SLIT2: variants seen among roughly 807,000 people sequenced by gnomAD.
The protein encoded by SLIT2 is slit guidance ligand 2.
A neutral mutation model predicts 185.7 loss-of-function variants in SLIT2; 41 were observed. The observed-to-expected ratio is 0.22, with a 90% confidence interval of 0.17 to 0.29. The LOEUF (loss-of-function observed/expected upper bound fraction) is 0.29. Among genes scored for constraint, SLIT2 ranks in the 10% least tolerant of loss-of-function variants. The pLI, the probability that SLIT2 is intolerant of heterozygous loss-of-function variation, is 1.00. For missense variants in SLIT2, 1,571 were observed against 1,909.0 expected (o/e 0.82, Z 3.30); for synonymous variants, 693 against 680.2 (o/e 1.02, Z -0.29).
chr4:20,338,508 T>A (rs767879515), intron 4 of SLIT2, among the ~76,000 whole-genome samples: 51 of 152,210 alleles, frequency 3.4e-4, no homozygotes, highest in Non-Finnish European at 6.0e-4. Context: ...TTACATATCC[T>A]ACTCTGGTGG....
intron 4 of SLIT2, among the ~76,000 whole-genome samples, chr4:20,273,600 C>A (rs1169739471): frequency 6.6e-6 from 1 of 151,792 alleles, no homozygotes; most frequent in Admixed American, 6.6e-5. Flanking sequence ...TGTTTGATTC[C>A]CCTAGGTTTC....
intron 18 of SLIT2, among the ~76,000 whole-genome samples, chr4:20,537,640 G>A (rs546392206): frequency 6.6e-6 from 1 of 152,048 alleles, no homozygotes; most frequent in Non-Finnish European, 1.5e-5. Flanking sequence ...AGATATTCAC[G>A]GACTCCCTCC....
At chr4:20,268,713 T>C (rs903567290) in intron 3 of SLIT2, 97 bp from the exon 4 acceptor site, 1 of 827,884 alleles carries the variant, frequency 1.2e-6, no homozygotes, top group African/African-American at 1.7e-5. Flanking sequence ...TTTCATTCTT[T>C]TCTGAAATAC....
intron 3 of SLIT2, among the ~76,000 whole-genome samples, chr4:20,262,348 A>G (rs1410828168): frequency 6.6e-6 from 1 of 151,804 alleles, no homozygotes; most frequent in Non-Finnish European, 1.5e-5. Context: ...GTCTTTACAC[A>G]TGAGTTCAAG....
At chr4:20,381,715 A>C (rs1424483806) in intron 4 of SLIT2, among the ~76,000 whole-genome samples, 1 of 152,160 alleles carries the variant, frequency 6.6e-6, no homozygotes, top group African/African-American at 2.4e-5. Flanking sequence ...AACAAACTTC[A>C]AGGCTGTATG....
chr4:20,593,358 A>G (rs113204033), intron 30 of SLIT2, among the ~76,000 whole-genome samples: 451 of 152,280 alleles, frequency 3.0e-3, no homozygotes, highest in Non-Finnish European at 5.5e-3. Context: ...ACTTTATGCT[A>G]AGTGAAATAG....
intron 4 of SLIT2, among the ~76,000 whole-genome samples, 156 bp downstream of exon 4, chr4:20,269,037 G>A (rs1044718253): frequency 6.6e-6 from 1 of 151,816 alleles, no homozygotes; most frequent in Non-Finnish European, 1.5e-5. Context: ...TTTATGATTT[G>A]TTTTCTAGTG....
chr4:20,307,637 A>G (rs983808033), intron 4 of SLIT2, among the ~76,000 whole-genome samples: 1 of 152,152 alleles, frequency 6.6e-6, no homozygotes, highest in Admixed American at 6.5e-5. Flanking sequence ...AATCTTACCT[A>G]TGCTGCATTA....
intron 9 of SLIT2, among the ~76,000 whole-genome samples, chr4:20,510,018 A>G (rs1719560810): frequency 6.6e-6 from 1 of 152,196 alleles, no homozygotes; most frequent in African/African-American, 2.4e-5. Flanking sequence ...TGAGTATAAA[A>G]TTATTTTTTA....
chr4:20,537,184 G>A (rs1722372313), intron 18 of SLIT2, among the ~76,000 whole-genome samples: 1 of 152,182 alleles, frequency 6.6e-6, no homozygotes, highest in Non-Finnish European at 1.5e-5. Flanking sequence ...TCATTATGGA[G>A]TATTATGTGC....
At chr4:20,472,948 T>C (rs770021335) in intron 5 of SLIT2, among the ~76,000 whole-genome samples, 3 of 151,706 alleles carry the variant, frequency 2.0e-5, no homozygotes, top group Non-Finnish European at 3.0e-5. Context: ...GGTACAAATA[T>C]ATAAACTTTA....
chr4:20,541,724 G>C (rs917385300), intron 20 of SLIT2, 105 bp downstream of exon 20: 4 of 1,026,626 alleles, frequency 3.9e-6, no homozygotes, highest in Admixed American at 4.3e-5. Flanking sequence ...AATAATGATC[G>C]TGTATCTTTT....
At chr4:20,418,841 G>A (rs1727919101) in intron 4 of SLIT2, among the ~76,000 whole-genome samples, 1 of 152,056 alleles carries the variant, frequency 6.6e-6, no homozygotes, top group African/African-American at 2.4e-5. Flanking sequence ...AATTAAAAGA[G>A]AGAAAACAAA....
intron 1 of SLIT2, among the ~76,000 whole-genome samples, chr4:20,256,411 T>A (rs1434443156): frequency 1.3e-5 from 2 of 152,082 alleles, no homozygotes; most frequent in Admixed American, 6.6e-5. Context: ...GACTCTCCCA[T>A]ACACAAAACA....
At chr4:20,567,764 T>C (rs1725225351) in intron 28 of SLIT2, 149 bp downstream of exon 28, 2 of 647,384 alleles carry the variant, frequency 3.1e-6, no homozygotes, top group Non-Finnish European at 5.5e-6. Flanking sequence ...CTCGTAGATA[T>C]TGCAATATAA....
At chr4:20,341,393 C>T (rs1033863559) in intron 4 of SLIT2, among the ~76,000 whole-genome samples, 8 of 152,232 alleles carry the variant, frequency 5.3e-5, no homozygotes, top group Non-Finnish European at 1.2e-4. Flanking sequence ...TAGGCAGCCC[C>T]ACTTACTGTT....
chr4:20,523,642 T>A, intron 12 of SLIT2, 118 bp from the exon 13 acceptor site: 1 of 748,416 alleles, frequency 1.3e-6, no homozygotes, highest in East Asian at 2.6e-5. Context: ...AGTTAAAATG[T>A]TAGTGTTGAG....
chr4:20,409,513 A>T (rs989395145), intron 4 of SLIT2, among the ~76,000 whole-genome samples: 3 of 152,160 alleles, frequency 2.0e-5, no homozygotes, highest in African/African-American at 7.2e-5. Context: ...GTTAGTGTGA[A>T]TAGGGCTTCA....
chr4:20,344,505 G>A (rs1721223774), intron 4 of SLIT2, among the ~76,000 whole-genome samples: 1 of 152,204 alleles, frequency 6.6e-6, no homozygotes, highest in East Asian at 1.9e-4. Context: ...ATGTTGCCAG[G>A]GCATATAAGG....
Sources: gnomAD v4.1 joint callset for allele counts (sites outside exome capture counted in the v4.1 genomes callset) on GRCh38, gnomAD v4.1.1 for gene constraint, MANE v1.5 for transcripts, NCBI Gene and HGNC (gene_info 2026-07-23, HGNC 2026-07-21) for gene names.